Variants in ZNF469 observed in about 807,000 individuals in gnomAD.
The protein encoded by ZNF469 is zinc finger protein 469.
A neutral mutation model predicts 1.0 loss-of-function variants in ZNF469; 1 was observed. The observed-to-expected ratio is 1.00, with a 90% confidence interval of 0.35 to 4.73. The LOEUF (loss-of-function observed/expected upper bound fraction) is 4.73. ZNF469 is among the 30% of genes most tolerant of loss of function. The pLI, the probability that ZNF469 is intolerant of heterozygous loss-of-function variation, is 0.16. For missense variants in ZNF469, 6,100 were observed against 5,356.3 expected, an observed-to-expected ratio of 1.14 and a Z score of -4.33; for synonymous variants, 2,703 against 2,363.4, an observed-to-expected ratio of 1.14 and a Z score of -4.17.
At chr16:88,351,713 G>T in the ZNF469 span, among the ~76,000 whole-genome samples, 1 of 152,108 alleles carries the variant, frequency 6.6e-6, no homozygotes, top group Non-Finnish European at 1.5e-5. Flanking sequence ...CCGGCAGCAG[G>T]CCCCAGCCGG....
At chr16:88,343,029 G>A in the ZNF469 span, among the ~76,000 whole-genome samples, 37 of 152,320 alleles carry the variant, frequency 2.4e-4, no homozygotes, top group Admixed American at 1.6e-3. Context: ...GCAAAGCAGC[G>A]GGCAGATAGC....
intron 1 of ZNF469, among the ~76,000 whole-genome samples, chr16:88,387,572 T>G (rs1904371752): frequency 6.6e-6 from 1 of 152,224 alleles, no homozygotes; most frequent in African/African-American, 2.4e-5. Context: ...GTAGACTTCC[T>G]GCTCAGTACT....
intron 1 of ZNF469, among the ~76,000 whole-genome samples, chr16:88,399,663 C>G (rs560543137): frequency 2.0e-4 from 30 of 152,372 alleles, no homozygotes; most frequent in Middle Eastern, 3.4e-3. Context: ...GCAGAACACG[C>G]TTGCTGTGGC....
chr16:88,379,406 C>A (rs1194672945), upstream of ZNF469, among the ~76,000 whole-genome samples: 1 of 152,108 alleles, frequency 6.6e-6, no homozygotes, highest in Non-Finnish European at 1.5e-5. Context: ...CTGCAGAGCA[C>A]CCCATCAGGC....
the ZNF469 span, among the ~76,000 whole-genome samples, chr16:88,327,744 G>C: frequency 2.0e-5 from 3 of 152,176 alleles, no homozygotes; most frequent in African/African-American, 7.2e-5. Context: ...TGGGCTCCAT[G>C]CTTAGACCCC....
At chr16:88,155,017 C>A in the ZNF469 span, among the ~76,000 whole-genome samples, 1 of 152,188 alleles carries the variant, frequency 6.6e-6, no homozygotes, top group African/African-American at 2.4e-5. Flanking sequence ...AAATGCAGAT[C>A]CCGTCTGCAG....
chr16:88,291,971 G>A, the ZNF469 span, among the ~76,000 whole-genome samples: 2 of 152,226 alleles, frequency 1.3e-5, no homozygotes, highest in African/African-American at 4.8e-5. Context: ...CAGGGAAGGG[G>A]CTGGAGCCGA....
At position 88,430,718 on chromosome 16, in the gene ZNF469, G is replaced by C; in HGVS notation, c.3248G>C (p.Gly1083Ala). 2.0e-6 allele frequency: 3 copies of C among 1,493,568 alleles called. No individual in the cohort carries two copies. The highest frequency in any genetic ancestry group is 1.4e-5 in the African/African-American group (1 of 69,378). 92.5% of individuals were successfully genotyped at this position (1,493,568 alleles called of 1,614,324 possible). A position where few individuals can be genotyped will look rare whatever the true frequency, so the allele number is the denominator to read the frequency against. ...CTGGCGGCGGGGAGGCCCCGGCCCGGAGCTGAGGACCGCAGGCTCCGCGAG... is the reference window on the plus strand; with the variant it reads ...CTGGCGGCGGGGAGGCCCCGGCCCGCAGCTGAGGACCGCAGGCTCCGCGAG... ...GSLAAGRPRP[G>A]AEDRRLREYD... The change falls in exon 3 of 3, where the codon GGA (glycine) becomes GCA (alanine). Residue 1083 changes from glycine (G) to alanine (A), a missense_variant. By Grantham distance (60) the Gly-to-Ala change is moderately conservative. Transcript: ENST00000565624.
intron 1 of ZNF469, among the ~76,000 whole-genome samples, chr16:88,403,599 G>C (rs1904944592): frequency 6.6e-6 from 1 of 152,256 alleles, no homozygotes; most frequent in Non-Finnish European, 1.5e-5. Flanking sequence ...GTGGGCGAGG[G>C]TGGCAGAGCA....
chr16:88,394,299 A>G (rs901600676), intron 1 of ZNF469, among the ~76,000 whole-genome samples: 1 of 152,164 alleles, frequency 6.6e-6, no homozygotes, highest in Admixed American at 6.5e-5. Flanking sequence ...TGACACGTCT[A>G]CACCTGTGCT....
intron 1 of ZNF469, among the ~76,000 whole-genome samples, chr16:88,387,019 G>C (rs1271910804): frequency 6.6e-6 from 1 of 152,192 alleles, no homozygotes; most frequent in East Asian, 1.9e-4. Context: ...AGATGGGCCA[G>C]TACAGTTGGG....
In ZNF469 at chr16:88,438,762, C is replaced by A. The variant is rs747285771; in HGVS notation, c.11292C>A (p.Thr3764=). 6.5e-7 allele frequency: 1 copy of A among 1,550,096 alleles called. No individual in the cohort carries two copies. The highest frequency in any genetic ancestry group is 1.2e-5 in the South Asian group (1 of 84,042). Residue 3764 remains threonine (T), a synonymous_variant, in exon 3 of 3, where the codon ACC becomes ACA. Coordinates refer to ENST00000565624, the MANE Select transcript of ZNF469 (RefSeq NM_001367624.2). Reference sequence around the variant, plus strand: ...AGCTCCAGAGCGAGACAGCCACCACCCCAGCCAAGCCCAGCTTCCCCAGCC... The same window carrying A: ...AGCTCCAGAGCGAGACAGCCACCACACCAGCCAAGCCCAGCTTCCCCAGCC... The part of the protein sequence containing the change: ...SGQLQSETAT[T]PAKPSFPSRS...
the ZNF469 span, among the ~76,000 whole-genome samples, chr16:88,196,491 C>G: frequency 6.6e-6 from 1 of 152,212 alleles, no homozygotes; most frequent in African/African-American, 2.4e-5. Flanking sequence ...AACTCTGCAA[C>G]CTTGTCCCTT....
the ZNF469 span, among the ~76,000 whole-genome samples, chr16:88,176,886 T>G: frequency 6.6e-6 from 1 of 152,214 alleles, no homozygotes; most frequent in African/African-American, 2.4e-5. Flanking sequence ...TACGGGATCG[T>G]AAATGCAGAA....
chr16:88,113,997 T>G, the ZNF469 span, among the ~76,000 whole-genome samples: 1 of 152,152 alleles, frequency 6.6e-6, no homozygotes, highest in South Asian at 2.1e-4. Flanking sequence ...TGTGGTCCCA[T>G]GATGTCCGGC....
upstream of ZNF469, among the ~76,000 whole-genome samples, chr16:88,378,176 A>T (rs985364298): frequency 2.0e-5 from 3 of 152,128 alleles, no homozygotes; most frequent in East Asian, 3.9e-4. Flanking sequence ...CCATGATGTC[A>T]TCTCCCAGAT....
the ZNF469 span, among the ~76,000 whole-genome samples, chr16:88,215,884 A>G: frequency 3.3e-5 from 5 of 152,130 alleles, no homozygotes; most frequent in Non-Finnish European, 7.3e-5. Context: ...AATTCTATAT[A>G]TACTTTAAAC....
chr16:88,257,889 C>T, the ZNF469 span, among the ~76,000 whole-genome samples: 3 of 152,302 alleles, frequency 2.0e-5, no homozygotes, highest in Non-Finnish European at 4.4e-5. Context: ...GGCTTAGAAT[C>T]ACTTCCCTTT....
chr16:88,222,555 T>C, the ZNF469 span, among the ~76,000 whole-genome samples: 3 of 152,154 alleles, frequency 2.0e-5, no homozygotes, highest in Admixed American at 2.0e-4. Context: ...GTTGGGAGTT[T>C]GAGTCCAGCC....
Sources: allele counts gnomAD v4.1 joint callset (sites outside exome capture counted in the v4.1 genomes callset), GRCh38; gene constraint gnomAD v4.1.1; transcripts MANE v1.5; gene names NCBI Gene and HGNC (gene_info 2026-07-23, HGNC 2026-07-21).